The following ELOVL5 variants were observed in gnomAD, a reference collection of about 807,000 sequenced individuals.
The protein encoded by ELOVL5 is very long chain fatty acid elongase 5.
Under a neutral mutation model 38.6 loss-of-function variants are expected in ELOVL5, and 8 were observed. That is an observed-to-expected ratio of 0.21 (90% CI 0.12 to 0.37). The LOEUF (loss-of-function observed/expected upper bound fraction) is 0.37. Among genes scored for constraint, ELOVL5 ranks in the 10% least tolerant of loss-of-function variants. The pLI, the probability that ELOVL5 is intolerant of heterozygous loss-of-function variation, is 1.00. For missense variants in ELOVL5, 280 were observed against 367.8 expected (o/e 0.76, Z 1.95); for synonymous variants, 127 against 133.7 (o/e 0.95, Z 0.34).
intron 1 of ELOVL5, among the ~76,000 whole-genome samples, chr6:53,317,597 G>C (rs1286026905): frequency 1.3e-5 from 2 of 151,590 alleles, no homozygotes; most frequent in African/African-American, 4.8e-5. Context: ...TGAACAATGA[G>C]AACACATGGA....
chr6:53,305,406 G>A lies in ELOVL5; in HGVS notation c.-8-9699C>T, dbSNP rs1432832368. 8.2e-3 allele frequency among the ~76,000 whole-genome samples: 1,229 copies of A among 150,138 alleles called. 11 individuals are homozygous for A. Among genetic ancestry groups the A allele is most frequent in the Admixed American group, 0.012 (181 of 15,134 alleles). ...CCCCCCCCCACCTCCCTCCCGGGCG[G>A]GGTGGCTGCCGGGCGGAGACGCTCC... On this transcript the variant is annotated intron_variant, in intron 1 of 7. Transcript: ENST00000304434.
intron 1 of ELOVL5, among the ~76,000 whole-genome samples, chr6:53,298,904 G>GGT (rs1554136860): frequency 2.0e-5 from 3 of 149,642 alleles, no homozygotes; most frequent in South Asian, 2.2e-4. Flanking sequence ...GCAAGGCGGG[G>GGT]GGGGGGAGTT....
Position 53,348,942 on chromosome 6 carries a change from T to A in ELOVL5, c.-134A>T. 2.3e-6 allele frequency: 1 copy of A among 433,206 alleles called. No homozygotes were observed. 26.8% of individuals were successfully genotyped at this position (433,206 alleles called of 1,614,324 possible). A position where few individuals can be genotyped will look rare whatever the true frequency, so the allele number is the denominator to read the frequency against. ...ACACCGGTGGCTAGGACCCGCGCGATGGGAAGAGGAAGGCGCCGGCTATCT... is the reference window on the plus strand; with the variant it reads ...ACACCGGTGGCTAGGACCCGCGCGAAGGGAAGAGGAAGGCGCCGGCTATCT... On this transcript the variant is annotated 5_prime_UTR_variant, in exon 1 of 8. Coordinates refer to ENST00000304434, the MANE Select transcript of ELOVL5 (RefSeq NM_021814.5).
intron 1 of ELOVL5, among the ~76,000 whole-genome samples, chr6:53,322,715 AAAG>A (rs1768348476): frequency 6.6e-6 from 1 of 152,240 alleles, no homozygotes; most frequent in Non-Finnish European, 1.5e-5. Flanking sequence ...TCACACTGAA[AAAG>A]AAGACTCCAC....
intron 1 of ELOVL5, among the ~76,000 whole-genome samples, chr6:53,323,823 G>A (rs1027490751): frequency 6.6e-6 from 1 of 152,048 alleles, no homozygotes; most frequent in Non-Finnish European, 1.5e-5. Context: ...CCATCTGACC[G>A]ACCATCGGGC....
intron 1 of ELOVL5, among the ~76,000 whole-genome samples, chr6:53,296,201 A>C (rs1034451929): frequency 6.6e-6 from 1 of 152,262 alleles, no homozygotes; most frequent in Admixed American, 6.5e-5. Flanking sequence ...AAAAAAATTC[A>C]AGTATTAAAA....
chr6:53,342,144 C>T (rs1769359797), intron 1 of ELOVL5, among the ~76,000 whole-genome samples: 1 of 151,120 alleles, frequency 6.6e-6, no homozygotes, highest in African/African-American at 2.5e-5. Context: ...CAAATTTTCA[C>T]ACAGATGCTT....
intron 1 of ELOVL5, among the ~76,000 whole-genome samples, chr6:53,318,090 C>A (rs1247430213): frequency 6.6e-6 from 1 of 152,194 alleles, no homozygotes; most frequent in Non-Finnish European, 1.5e-5. Flanking sequence ...CAAGGTTACA[C>A]TGAGAGGAGG....
chr6:53,292,120 A>G (rs1176524524), intron 2 of ELOVL5, among the ~76,000 whole-genome samples, 157 bp from the exon 3 acceptor site: 2 of 152,218 alleles, frequency 1.3e-5, no homozygotes, highest in Non-Finnish European at 2.9e-5. Flanking sequence ...TTTTCAATAC[A>G]TATCAAACAA....
chr6:53,305,364 G>A (rs371532022), intron 1 of ELOVL5, among the ~76,000 whole-genome samples: 8,999 of 106,084 alleles, frequency 0.085, 771 homozygotes, highest in Admixed American at 0.24. Flanking sequence ...CGGGGCGGCT[G>A]GCCTGGCGGG....
At chr6:53,305,296 C>A (rs1403996289) in intron 1 of ELOVL5, among the ~76,000 whole-genome samples, 3 of 142,000 alleles carry the variant, frequency 2.1e-5, no homozygotes, top group Admixed American at 2.0e-4. Flanking sequence ...GCGCCCCTCA[C>A]CTCCCGGACA....
intron 1 of ELOVL5, among the ~76,000 whole-genome samples, chr6:53,313,931 C>G (rs1767938908): frequency 6.6e-6 from 1 of 152,174 alleles, no homozygotes; most frequent in Non-Finnish European, 1.5e-5. Flanking sequence ...AGCTGTTCAA[C>G]CCCCACAGCT....
intron 1 of ELOVL5, among the ~76,000 whole-genome samples, chr6:53,299,199 T>C (rs1182177581): frequency 6.6e-6 from 1 of 152,200 alleles, no homozygotes. Flanking sequence ...AAGCTGAATA[T>C]ATGTTCAAAA....
chr6:53,328,529 G>T (rs1435622101), intron 1 of ELOVL5, among the ~76,000 whole-genome samples: 2 of 152,118 alleles, frequency 1.3e-5, no homozygotes, highest in African/African-American at 4.8e-5. Context: ...GTAACACATA[G>T]AATTAAAGGT....
chr6:53,316,330 A>T (rs879384791), intron 1 of ELOVL5, among the ~76,000 whole-genome samples: 4 of 152,148 alleles, frequency 2.6e-5, no homozygotes, highest in Non-Finnish European at 5.9e-5. Context: ...TACAGGAGAA[A>T]AGGATGGGTA....
chr6:53,338,168 C>T (rs1274664346), intron 1 of ELOVL5, among the ~76,000 whole-genome samples: 2 of 152,160 alleles, frequency 1.3e-5, no homozygotes, highest in African/African-American at 2.4e-5. Context: ...GGTCTTCTGA[C>T]AGTACTTTGC....
At chr6:53,324,252 C>CAAAAAAAAAAAAAAAAA (rs59453946) in intron 1 of ELOVL5, among the ~76,000 whole-genome samples, 1 of 110,370 alleles carries the variant, frequency 9.1e-6, no homozygotes, top group Non-Finnish European at 1.8e-5. Flanking sequence ...GACTCTACCT[C>CAAAAAAAAAAAAAAAAA]AAAAAAAAAA....
chr6:53,287,708 A>AT (rs1394748500), intron 3 of ELOVL5, among the ~76,000 whole-genome samples: 1 of 152,218 alleles, frequency 6.6e-6, no homozygotes, highest in Non-Finnish European at 1.5e-5. Flanking sequence ...CAGAAGAATG[A>AT]AAGAGCCTGG....
intron 3 of ELOVL5, 47 bp from the exon 4 acceptor site, chr6:53,276,303 A>G (rs776406110): frequency 2.4e-6 from 3 of 1,249,144 alleles, no homozygotes; most frequent in Non-Finnish European, 1.2e-6. Context: ...TGAGCCATGT[A>G]AAGTCCTCAT....
Sources: allele counts gnomAD v4.1 joint callset (sites outside exome capture counted in the v4.1 genomes callset), GRCh38; gene constraint gnomAD v4.1.1; transcripts MANE v1.5; gene names NCBI Gene and HGNC (gene_info 2026-07-23, HGNC 2026-07-21).